KIF21A: variants seen among roughly 807,000 people sequenced by gnomAD.
KIF21A encodes the protein kinesin family member 21A, also known as kinesin-like protein KIF21A.
Under a neutral mutation model 202.9 loss-of-function variants are expected in KIF21A, and 114 were observed. That is an observed-to-expected ratio of 0.56 (90% CI 0.48 to 0.66). The LOEUF (loss-of-function observed/expected upper bound fraction) is 0.66. KIF21A is among the 30% of genes least tolerant of loss of function. The pLI, the probability that KIF21A is intolerant of heterozygous loss-of-function variation, is 0.00. For missense variants in KIF21A, 1,677 were observed against 1,994.9 expected, an observed-to-expected ratio of 0.84 and a Z score of 3.04; for synonymous variants, 667 against 670.8, an observed-to-expected ratio of 0.99 and a Z score of 0.09.
In KIF21A at chr12:39,311,466, A is replaced by T. The variant is rs1944024955; in HGVS notation, c.4047T>A (p.Ala1349=). The change falls in exon 32 of 38, where the codon GCT becomes GCA. Residue 1349 remains alanine, a synonymous_variant. Transcript: ENST00000361418. The stretch of plus-strand genomic sequence containing the variant: ...CATCAGTAGAATCCACACAGAGCAC[A>T]GCTTTTGTATGCCCTTCAGCTATGT... ...CIHIAEGHTK[A]VLCVDSTDDL... is the part of the protein sequence containing the mutation. 1 of 1,613,142 alleles carries T rather than the reference A, an allele frequency of 6.2e-7. No homozygotes were observed. The highest frequency in any genetic ancestry group is 8.5e-7 in the Non-Finnish European group (1 of 1,179,310).
At chr12:39,340,089 A>C in intron 16 of KIF21A, 76 bp downstream of exon 16, 1 of 1,123,912 alleles carries the variant, frequency 8.9e-7, no homozygotes. Context: ...AAGAACCACA[A>C]GAGTTGTTTA....
chr12:39,330,635 TA>T, intron 23 of KIF21A, 110 bp downstream of exon 23: 1 of 908,226 alleles, frequency 1.1e-6, no homozygotes, highest in African/African-American at 1.7e-5. Context: ...AAAGCATGAG[TA>T]AATATAGCAT....
chr12:39,398,733 A>G (rs1467144271), intron 1 of KIF21A, among the ~76,000 whole-genome samples: 1 of 152,208 alleles, frequency 6.6e-6, no homozygotes, highest in Non-Finnish European at 1.5e-5. Context: ...ACACTTTACC[A>G]TAGAAAAGTA....
chr12:39,374,356 T>C (rs1425534295), intron 1 of KIF21A, among the ~76,000 whole-genome samples: 1 of 152,188 alleles, frequency 6.6e-6, no homozygotes, highest in Non-Finnish European at 1.5e-5. Flanking sequence ...AATAAGATCA[T>C]TAAACACATG....
chr12:39,409,973 A>G (rs1179206415), intron 1 of KIF21A, among the ~76,000 whole-genome samples: 2 of 152,038 alleles, frequency 1.3e-5, no homozygotes, highest in African/African-American at 4.8e-5. Flanking sequence ...CTGGGATTAC[A>G]GGCACTCACC....
chr12:39,400,538 G>A (rs1952091594), intron 1 of KIF21A, among the ~76,000 whole-genome samples: 1 of 152,074 alleles, frequency 6.6e-6, no homozygotes, highest in African/African-American at 2.4e-5. Flanking sequence ...AACATAAGGT[G>A]TTTGGTTTTC....
chr12:39,361,662 C>T (rs576771288), intron 7 of KIF21A, among the ~76,000 whole-genome samples: 31 of 149,948 alleles, frequency 2.1e-4, no homozygotes, highest in South Asian at 1.3e-3. Flanking sequence ...CCCGCCACCA[C>T]GCCTGGCTAA....
At chr12:39,338,612 T>C (rs1947179709) in intron 16 of KIF21A, among the ~76,000 whole-genome samples, 1 of 152,182 alleles carries the variant, frequency 6.6e-6, no homozygotes, top group Non-Finnish European at 1.5e-5. Flanking sequence ...TCGCATACCT[T>C]ACAGGCATAC....
At chr12:39,409,315 T>C (rs1952878519) in intron 1 of KIF21A, among the ~76,000 whole-genome samples, 1 of 146,098 alleles carries the variant, frequency 6.8e-6, no homozygotes, top group Non-Finnish European at 1.5e-5. Context: ...AGCCCAGGAG[T>C]TCAAGACCAG....
rs1487194034 is a variant in KIF21A, at chr12:39,332,581, T to C, written c.2856+10A>G. The C allele has an allele frequency of 2.5e-6, 4 of 1,610,154 alleles. No homozygotes were observed. The South Asian group carries it at 4.4e-5, about 18-fold the overall frequency. On this transcript the variant is annotated intron_variant, in intron 20 of 37. Coordinates refer to ENST00000361418, the MANE Select transcript of KIF21A (RefSeq NM_001173464.2). ...TAAGGGGGAGCGTATCTACTCTCTA[T>C]TTTCCACACCTTGAGGAGTCTATTC...
At chr12:39,336,736 C>T (rs1592216321) in intron 17 of KIF21A, among the ~76,000 whole-genome samples, 1 of 152,086 alleles carries the variant, frequency 6.6e-6, no homozygotes, top group East Asian at 1.9e-4. Context: ...TTTATAAGTA[C>T]CTCTAGTGAT....
At chr12:39,324,164 G>A (rs923942980) in intron 26 of KIF21A, among the ~76,000 whole-genome samples, 3 of 151,706 alleles carry the variant, frequency 2.0e-5, no homozygotes, top group Non-Finnish European at 2.9e-5. Flanking sequence ...CAGTTCAAAC[G>A]GAGTAGCAGG....
At chr12:39,303,223 A>T (rs1279657576) in intron 35 of KIF21A, 88 bp from the exon 36 acceptor site, 3 of 1,067,132 alleles carry the variant, frequency 2.8e-6, no homozygotes, top group Non-Finnish European at 4.3e-6. Flanking sequence ...ATACACATGT[A>T]TGTTAATCAG....
chr12:39,329,220 G>A (rs542190173), intron 24 of KIF21A, among the ~76,000 whole-genome samples: 11 of 152,160 alleles, frequency 7.2e-5, no homozygotes, highest in Admixed American at 3.3e-4. Flanking sequence ...TTTCTGCCAT[G>A]AGTCATAGGA....
Position 39,356,914 on chromosome 12 carries a change from A to T in KIF21A, c.1406-19T>A. 1 of 1,150,650 alleles carries T rather than the reference A, an allele frequency of 8.7e-7. No homozygotes were observed. The highest frequency in any genetic ancestry group is 1.3e-6 in the Non-Finnish European group (1 of 767,994). 71.3% of individuals were successfully genotyped at this position (1,150,650 alleles called of 1,614,324 possible). Reference sequence around the variant, plus strand: ...CCTTCACCTGAAAGACAAAATATGAAATAAAAATTTTCCTTTAAATTAAGA... The same window carrying T: ...CCTTCACCTGAAAGACAAAATATGATATAAAAATTTTCCTTTAAATTAAGA... On this transcript the variant is annotated intron_variant, in intron 9 of 37. Transcript: ENST00000361418.
intron 1 of KIF21A, among the ~76,000 whole-genome samples, chr12:39,440,528 AAACAAT>A (rs1939419995): frequency 6.6e-6 from 1 of 152,246 alleles, no homozygotes; most frequent in East Asian, 1.9e-4. Context: ...AGTATAAGTC[AAACAAT>A]TATCACTACT....
At chr12:39,310,066 TG>T (rs940844080) in intron 32 of KIF21A, among the ~76,000 whole-genome samples, 16 of 152,212 alleles carry the variant, frequency 1.1e-4, no homozygotes, top group African/African-American at 3.8e-4. Flanking sequence ...AAATTGCCAC[TG>T]AATTTAGAAT....
intron 27 of KIF21A, among the ~76,000 whole-genome samples, chr12:39,320,240 A>G (rs1354834651): frequency 6.6e-6 from 1 of 152,182 alleles, no homozygotes; most frequent in African/African-American, 2.4e-5. Context: ...TTAAATATGT[A>G]ACAACTTACT....
chr12:39,334,200 C>CAAAAAAAAA (rs576176350), intron 17 of KIF21A, among the ~76,000 whole-genome samples: 9 of 63,606 alleles, frequency 1.4e-4, no homozygotes, highest in East Asian at 3.6e-4. Context: ...GACTCCATCT[C>CAAAAAAAAA]AAAAAAAAAA....
Sources: gnomAD v4.1 joint callset for allele counts (sites outside exome capture counted in the v4.1 genomes callset) on GRCh38, gnomAD v4.1.1 for gene constraint, MANE v1.5 for transcripts, NCBI Gene and HGNC (gene_info 2026-07-23, HGNC 2026-07-21) for gene names.